Variants in SYT9 observed in about 807,000 individuals in gnomAD.
SYT9 encodes synaptotagmin 9.
Under a neutral mutation model 48.4 loss-of-function variants are expected in SYT9, and 22 were observed. The observed-to-expected ratio is 0.45, with a 90% CI of 0.32 to 0.65. SYT9 has a LOEUF of 0.65. SYT9 is among the 30% of genes least tolerant of loss of function. The pLI is 0.03. For missense variants in SYT9, 577 were observed against 622.0 expected, an observed-to-expected ratio of 0.93 and a Z score of 0.77; for synonymous variants, 265 against 245.0, an observed-to-expected ratio of 1.08 and a Z score of -0.76.
chr11:7,364,592 CTAATTTGAAAAAT>C (rs1422482199), intron 3 of SYT9, among the ~76,000 whole-genome samples: 1 of 152,160 alleles, frequency 6.6e-6, no homozygotes, highest in Non-Finnish European at 1.5e-5. Context: ...AAAACTGACA[CTAATTTGAAAAAT>C]TAAAAGAGTA....
chr11:7,378,976 T>C (rs117113128), intron 3 of SYT9, among the ~76,000 whole-genome samples: 1 of 152,320 alleles, frequency 6.6e-6, no homozygotes, highest in Non-Finnish European at 1.5e-5. Context: ...AACACTCAGT[T>C]CTAAGGATGC....
intron 3 of SYT9, among the ~76,000 whole-genome samples, chr11:7,316,630 T>C (rs1159736479): frequency 6.6e-6 from 1 of 152,220 alleles, no homozygotes; most frequent in Non-Finnish European, 1.5e-5. Context: ...GGTTCACATA[T>C]GCAATCATTT....
At chr11:7,429,535 C>T (rs902850151) in intron 6 of SYT9, among the ~76,000 whole-genome samples, 4 of 152,146 alleles carry the variant, frequency 2.6e-5, no homozygotes, top group Admixed American at 2.0e-4. Flanking sequence ...AGTATGTAAA[C>T]GTATATATTC....
In SYT9 at chr11:7,303,547, C is replaced by G. The variant is rs74771319; in HGVS notation, c.497+157C>G. ...GGGAAAACTCCATGCTTCCTACGCCCTCCTTGGTCTCTACTTAGTTCATAA... is the reference window on the plus strand; with the variant it reads ...GGGAAAACTCCATGCTTCCTACGCCGTCCTTGGTCTCTACTTAGTTCATAA... On this transcript the variant is annotated intron_variant, in intron 2 of 6. Transcript: ENST00000318881. 4.8e-4 allele frequency among the ~76,000 whole-genome samples: 73 copies of G among 152,312 alleles called. 1 individual carries two copies. In the East Asian group the frequency reaches 9.8e-3, roughly 21 times the overall value.
intron 3 of SYT9, among the ~76,000 whole-genome samples, chr11:7,380,107 G>A (rs140860968): frequency 2.0e-5 from 3 of 152,258 alleles, no homozygotes; most frequent in Non-Finnish European, 4.4e-5. Flanking sequence ...GTACTACTCA[G>A]CCATAAAAAG....
At chr11:7,419,712 C>T (rs564045663) in intron 5 of SYT9, among the ~76,000 whole-genome samples, 12 of 152,142 alleles carry the variant, frequency 7.9e-5, no homozygotes, top group Non-Finnish European at 1.2e-4. Flanking sequence ...GCCTGGCCAA[C>T]GTGGTGAAAC....
intron 3 of SYT9, among the ~76,000 whole-genome samples, chr11:7,395,561 C>T (rs1273292096): frequency 5.9e-5 from 9 of 151,936 alleles, no homozygotes; most frequent in African/African-American, 2.2e-4. Context: ...GTTAAGTCTT[C>T]TTGTTGAATT....
chr11:7,412,977 G>A (rs1212324062), intron 3 of SYT9, among the ~76,000 whole-genome samples: 1 of 152,198 alleles, frequency 6.6e-6, no homozygotes, highest in African/African-American at 2.4e-5. Flanking sequence ...TGAGAAGACA[G>A]GACTAGGTTG....
At chr11:7,455,969 C>G (rs1161544175) in intron 6 of SYT9, among the ~76,000 whole-genome samples, 2 of 152,180 alleles carry the variant, frequency 1.3e-5, no homozygotes, top group African/African-American at 2.4e-5. Context: ...CCTACATAAT[C>G]CTCAGGGTTC....
chr11:7,283,465 G>T (rs1002192053), intron 1 of SYT9, among the ~76,000 whole-genome samples: 2 of 151,894 alleles, frequency 1.3e-5, no homozygotes, highest in African/African-American at 2.4e-5. Flanking sequence ...TGCATTATGG[G>T]TATTTTTTTA....
At chr11:7,387,730 C>A (rs1030402184) in intron 3 of SYT9, among the ~76,000 whole-genome samples, 2 of 152,208 alleles carry the variant, frequency 1.3e-5, no homozygotes, top group Non-Finnish European at 2.9e-5. Flanking sequence ...CTTTCCATAT[C>A]TGGTTTGGAT....
Position 7,432,714 on chromosome 11 carries a change from G to T in SYT9, c.1467+12079G>T, listed in dbSNP as rs1275594639. 2.9e-4 allele frequency among the ~76,000 whole-genome samples: 43 copies of T among 147,986 alleles called. 1 individual carries two copies. The highest frequency in any genetic ancestry group is 2.8e-3 in the Admixed American group (41 of 14,750). Reference sequence around the variant, plus strand: ...TTCTTTTGGTCAATTTCTCCCTTTTGGAGTGGGAATGTTTATCCAATGCTT... The same window carrying T: ...TTCTTTTGGTCAATTTCTCCCTTTTTGAGTGGGAATGTTTATCCAATGCTT... On this transcript the variant is annotated intron_variant, in intron 6 of 6. Coordinates refer to ENST00000318881, the MANE Select transcript of SYT9 (RefSeq NM_175733.4).
intron 1 of SYT9, among the ~76,000 whole-genome samples, chr11:7,241,432 T>G (rs1350053240): frequency 6.6e-6 from 1 of 152,198 alleles, no homozygotes; most frequent in Non-Finnish European, 1.5e-5. Context: ...ATTAGAAAAT[T>G]TCCATGCAAA....
At position 7,420,653 on chromosome 11, in the gene SYT9, A is replaced by G; in HGVS notation, c.1467+18A>G. Reference sequence around the variant, plus strand: ...TGGTGGAGGTAAGACCCTAATCCACATGCTCCACTTTGCATAAGAGTAAAT... The same window carrying G: ...TGGTGGAGGTAAGACCCTAATCCACGTGCTCCACTTTGCATAAGAGTAAAT... On this transcript the variant is annotated intron_variant, in intron 6 of 6. Coordinates refer to ENST00000318881, the MANE Select transcript of SYT9 (RefSeq NM_175733.4). 3 of 1,613,996 alleles carry G rather than the reference A, an allele frequency of 1.9e-6. No homozygotes were observed. The highest frequency in any genetic ancestry group is 2.5e-6 in the Non-Finnish European group (3 of 1,179,926).
chr11:7,282,104 A>G (rs1848505606), intron 1 of SYT9, among the ~76,000 whole-genome samples: 2 of 152,236 alleles, frequency 1.3e-5, no homozygotes, highest in Non-Finnish European at 2.9e-5. Flanking sequence ...TTCAGCCATA[A>G]GAGATTTTCT....
chr11:7,406,670 C>T (rs189136177), intron 3 of SYT9, among the ~76,000 whole-genome samples: 152 of 151,800 alleles, frequency 1.0e-3, no homozygotes, highest in Middle Eastern at 6.8e-3. Flanking sequence ...GTGCAGGTAT[C>T]CCTCTGATAC....
At chr11:7,363,498 G>A (rs1027435348) in intron 3 of SYT9, among the ~76,000 whole-genome samples, 1 of 152,136 alleles carries the variant, frequency 6.6e-6, no homozygotes, top group Non-Finnish European at 1.5e-5. Context: ...AAGGAGTGAC[G>A]CTGGTATAGG....
intron 3 of SYT9, among the ~76,000 whole-genome samples, chr11:7,340,813 G>A (rs982496108): frequency 1.3e-5 from 2 of 152,236 alleles, no homozygotes; most frequent in Non-Finnish European, 2.9e-5. Context: ...AGTAGCCCCA[G>A]TGGGGAATAG....
chr11:7,398,613 TGTTAGC>T (rs1846809003), intron 3 of SYT9, among the ~76,000 whole-genome samples: 1 of 152,158 alleles, frequency 6.6e-6, no homozygotes, highest in Non-Finnish European at 1.5e-5. Flanking sequence ...GGTTTCACCA[TGTTAGC>T]CAGGACAGTC....
Sources: gnomAD v4.1 joint callset for allele counts (sites outside exome capture counted in the v4.1 genomes callset) on GRCh38, gnomAD v4.1.1 for gene constraint, MANE v1.5 for transcripts, NCBI Gene and HGNC (gene_info 2026-07-23, HGNC 2026-07-21) for gene names.